Variants in GALNTL6 observed in about 807,000 individuals in gnomAD.
GALNTL6 encodes the protein polypeptide N-acetylgalactosaminyltransferase-like 6.
GALNTL6 carries 46 observed loss-of-function variants against 73.7 expected under a neutral mutation model. The observed-to-expected ratio is 0.62, with a 90% CI of 0.49 to 0.80. The LOEUF (loss-of-function observed/expected upper bound fraction) is 0.80, where lower values mean the gene tolerates loss of function less well. Ranked by LOEUF, GALNTL6 falls within the 30% of genes least tolerant of loss-of-function variation. The pLI is 0.00. For synonymous variants in GALNTL6, 259 were observed against 263.7 expected (o/e 0.98, Z 0.17); for missense variants, 604 against 755.0 (o/e 0.80, Z 2.34).
At chr4:171,846,733 T>C (rs1159460088) in intron 2 of GALNTL6, among the ~76,000 whole-genome samples, 2 of 149,334 alleles carry the variant, frequency 1.3e-5, no homozygotes, top group Non-Finnish European at 3.0e-5. Context: ...TTTATAGATA[T>C]ATATGGATAT....
At chr4:172,402,505 A>G (rs1744078739) in intron 5 of GALNTL6, among the ~76,000 whole-genome samples, 1 of 152,146 alleles carries the variant, frequency 6.6e-6, no homozygotes, top group Non-Finnish European at 1.5e-5. Flanking sequence ...GGTGAAGGAT[A>G]CAATTTTAAA....
chr4:172,839,013 C>A (rs1360414761), intron 7 of GALNTL6, among the ~76,000 whole-genome samples: 1 of 152,064 alleles, frequency 6.6e-6, no homozygotes, highest in Non-Finnish European at 1.5e-5. Context: ...TTAAAAAGAC[C>A]AACTGGCTTT....
At chr4:172,373,095 G>T (rs1561051857) in intron 5 of GALNTL6, among the ~76,000 whole-genome samples, 1 of 152,204 alleles carries the variant, frequency 6.6e-6, no homozygotes, top group Non-Finnish European at 1.5e-5. Flanking sequence ...CATACTGAAG[G>T]ACCAGAGTGC....
At chr4:171,996,916 T>A (rs1446761347) in intron 2 of GALNTL6, among the ~76,000 whole-genome samples, 1 of 152,106 alleles carries the variant, frequency 6.6e-6, no homozygotes, top group African/African-American at 2.4e-5. Context: ...GTGAAGTTTA[T>A]AGAACTAGAT....
chr4:171,987,629 T>C (rs369129531), intron 2 of GALNTL6, among the ~76,000 whole-genome samples: 16 of 152,268 alleles, frequency 1.1e-4, no homozygotes, highest in East Asian at 9.7e-4. Flanking sequence ...AGTAGTAGAA[T>C]AGCAGATGGA....
At chr4:172,606,593 CACAT>C (rs1738284540) in intron 5 of GALNTL6, among the ~76,000 whole-genome samples, 1 of 114,638 alleles carries the variant, frequency 8.7e-6, no homozygotes, top group African/African-American at 3.3e-5. Flanking sequence ...TATATATATA[CACAT>C]ATATACATAT....
At chr4:172,149,829 G>A (rs946181106) in intron 2 of GALNTL6, among the ~76,000 whole-genome samples, 17 of 152,006 alleles carry the variant, frequency 1.1e-4, no homozygotes, top group Non-Finnish European at 1.9e-4. Flanking sequence ...CCCTTCTCAT[G>A]GACCACAAAA....
At chr4:172,369,521 G>T (rs1742703978) in intron 5 of GALNTL6, among the ~76,000 whole-genome samples, 1 of 152,202 alleles carries the variant, frequency 6.6e-6, no homozygotes, top group Non-Finnish European at 1.5e-5. Flanking sequence ...CGCGGAGCAG[G>T]GGGTGGCACC....
At chr4:172,307,820 T>C (rs1192788863) in intron 3 of GALNTL6, among the ~76,000 whole-genome samples, 1 of 151,902 alleles carries the variant, frequency 6.6e-6, no homozygotes, top group Admixed American at 6.6e-5. Flanking sequence ...TTTTTCTTTG[T>C]CTTGCTTTGG....
rs1735685248 is a variant in GALNTL6, at chr4:172,544,635, CT to C, written c.553+195953del. Among the ~76,000 whole-genome samples, 3 of 152,228 alleles carry C rather than the reference CT, an allele frequency of 2.0e-5. No individual in the cohort carries two copies. In the South Asian group the frequency reaches 6.2e-4, roughly 32 times the overall value. On this transcript the variant is annotated intron_variant, in intron 5 of 12. Transcript: ENST00000506823. ...AGAGGGCTTAAGGAAAATACAATTACTTTTTTTCTCTAGAGGATTCTTTTGG... is the reference window on the plus strand; with the variant it reads ...AGAGGGCTTAAGGAAAATACAATTACTTTTTTCTCTAGAGGATTCTTTTGG...
At chr4:171,846,090 T>A (rs1475025241) in intron 2 of GALNTL6, among the ~76,000 whole-genome samples, 2 of 152,206 alleles carry the variant, frequency 1.3e-5, no homozygotes, top group Non-Finnish European at 2.9e-5. Flanking sequence ...GATATGAGGT[T>A]CTAAAATTTT....
intron 2 of GALNTL6, among the ~76,000 whole-genome samples, chr4:171,968,310 T>C (rs1341065650): frequency 2.0e-5 from 3 of 152,188 alleles, no homozygotes; most frequent in Non-Finnish European, 4.4e-5. Context: ...ATCAAGGATT[T>C]GGCAGGGTCA....
intron 5 of GALNTL6, among the ~76,000 whole-genome samples, chr4:172,503,497 A>G (rs1486317248): frequency 1.5e-5 from 2 of 136,164 alleles, no homozygotes; most frequent in East Asian, 4.2e-4. Flanking sequence ...TAAACTATAT[A>G]TATCTAGTTT....
chr4:172,493,276 A>G (rs917741466), intron 5 of GALNTL6, among the ~76,000 whole-genome samples: 2 of 152,170 alleles, frequency 1.3e-5, no homozygotes, highest in Non-Finnish European at 2.9e-5. Context: ...CTCAAATGTA[A>G]ATAATATTTT....
At chr4:172,846,102 A>G (rs567251268) in intron 7 of GALNTL6, among the ~76,000 whole-genome samples, 1 of 152,362 alleles carries the variant, frequency 6.6e-6, no homozygotes, top group Admixed American at 6.5e-5. Flanking sequence ...AATCAAATGT[A>G]TCTAGTGTCC....
rs566228856 is a variant in GALNTL6, at chr4:172,823,006, C to T, written c.923+9283C>T. On this transcript the variant is annotated intron_variant, in intron 7 of 12. Coordinates refer to ENST00000506823, the MANE Select transcript of GALNTL6 (RefSeq NM_001034845.3). ...ATGCCCCACTCTCTTCTTTCTGGCTCCCCATTCTTCTTTAACTGAAATCTT... is the reference window on the plus strand; with the variant it reads ...ATGCCCCACTCTCTTCTTTCTGGCTTCCCATTCTTCTTTAACTGAAATCTT... Among the ~76,000 whole-genome samples the T allele has an allele frequency of 2.6e-5, 4 of 152,256 alleles. No homozygotes were observed. In the South Asian group the frequency reaches 8.3e-4, roughly 32 times the overall value.
rs369645419 is a variant in GALNTL6 at position 171,862,190 on chromosome 4, G to C, written c.138+47472G>C. Among the ~76,000 whole-genome samples, 4 of 152,138 alleles carry C rather than the reference G, an allele frequency of 2.6e-5. No homozygotes were observed. The East Asian group carries it at 7.7e-4, about 29-fold the overall frequency. ...GGCAGAGGTCTTCAGAAATAAATTA[G>C]AATTTTATTTGAGAGATAATTTTTG... On this transcript the variant is annotated intron_variant, in intron 2 of 12. Transcript: ENST00000506823.
chr4:172,686,947 G>A (rs182520481), intron 5 of GALNTL6, among the ~76,000 whole-genome samples: 36 of 152,156 alleles, frequency 2.4e-4, no homozygotes, highest in African/African-American at 6.7e-4. Context: ...TCACATTACC[G>A]TCTAGTTCTT....
intron 10 of GALNTL6, among the ~76,000 whole-genome samples, chr4:172,958,578 AGTT>A (rs1749873254): frequency 1.3e-5 from 2 of 152,168 alleles, no homozygotes; most frequent in African/African-American, 4.8e-5. Flanking sequence ...GAAGGAAAGG[AGTT>A]GTTGTTTTGT....
Sources: allele counts gnomAD v4.1 joint callset (sites outside exome capture counted in the v4.1 genomes callset), GRCh38; gene constraint gnomAD v4.1.1; transcripts MANE v1.5; gene names NCBI Gene and HGNC (gene_info 2026-07-23, HGNC 2026-07-21).